Variants in STEAP2 observed in about 807,000 individuals in gnomAD.
The protein encoded by STEAP2 is metalloreductase STEAP2.
STEAP2 carries 30 observed loss-of-function variants against 46.4 expected under a neutral mutation model. That is an observed-to-expected ratio of 0.65 (90% CI 0.48 to 0.88). The LOEUF (loss-of-function observed/expected upper bound fraction) is 0.88, where lower values mean the gene tolerates loss of function less well. STEAP2 is among the 40% of genes least tolerant of loss of function. The pLI, the probability that STEAP2 is intolerant of heterozygous loss-of-function variation, is 0.00. For synonymous variants in STEAP2, 180 were observed against 200.5 expected (o/e 0.90, Z 0.86); for missense variants, 513 against 579.3 (o/e 0.89, Z 1.18).
At chr7:90,228,850 T>C (rs1795615949) in intron 4 of STEAP2, among the ~76,000 whole-genome samples, 1 of 152,162 alleles carries the variant, frequency 6.6e-6, no homozygotes, top group Non-Finnish European at 1.5e-5. Flanking sequence ...CACTGGGTAG[T>C]GCTGTTTTTC....
chr7:90,227,131 T>C lies in STEAP2; in HGVS notation c.653T>C (p.Val218Ala). 1 of 1,613,842 alleles carries C rather than the reference T, an allele frequency of 6.2e-7. No homozygotes were observed. Among genetic ancestry groups the C allele is most frequent in the South Asian group, 1.1e-5 (1 of 91,066 alleles). The stretch of plus-strand genomic sequence containing the variant: ...ACTCTCTGGAGAGGGCCAGTGGTGG[T>C]AGCTATAAGCTTGGCCACATTTTTT... ...LFTLWRGPVV[V>A]AISLATFFFL... The change falls in exon 4 of 6, where the codon GTA (valine) becomes GCA (alanine). Residue 218 changes from valine to alanine, a missense_variant. Transcript: ENST00000394621.
At chr7:90,220,823 GTTTTTA>G (rs1429446933) in intron 2 of STEAP2, among the ~76,000 whole-genome samples, 1 of 151,782 alleles carries the variant, frequency 6.6e-6, no homozygotes, top group Non-Finnish European at 1.5e-5. Context: ...AGTGTGTTGT[GTTTTTA>G]TTTTTATTTG....
intron 4 of STEAP2, among the ~76,000 whole-genome samples, chr7:90,229,668 T>G (rs17862127): frequency 0.17 from 25,214 of 152,110 alleles, 2,205 homozygotes; most frequent in Middle Eastern, 0.2. Flanking sequence ...AGTTTTGTCC[T>G]CCTTTTGTTT....
At chr7:90,212,680 A>T (rs1354490138) in intron 1 of STEAP2, among the ~76,000 whole-genome samples, 1 of 152,110 alleles carries the variant, frequency 6.6e-6, no homozygotes, top group Non-Finnish European at 1.5e-5. Flanking sequence ...ATTTCCATTT[A>T]TTATCTCTCC....
intron 2 of STEAP2, among the ~76,000 whole-genome samples, chr7:90,217,687 C>T: frequency 8.5e-6 from 1 of 117,676 alleles, no homozygotes; most frequent in African/African-American, 3.4e-5. Flanking sequence ...CATATCCTTG[C>T]TAGTGTGAAT....
At chr7:90,243,356 T>C in the STEAP2 span, among the ~76,000 whole-genome samples, 1 of 152,172 alleles carries the variant, frequency 6.6e-6, no homozygotes, top group Non-Finnish European at 1.5e-5. Flanking sequence ...TCTTGAATAA[T>C]TTTTGAAAGT....
chr7:90,240,280 C>CA (rs56229485), downstream of STEAP2, among the ~76,000 whole-genome samples: 6 of 146,088 alleles, frequency 4.1e-5, no homozygotes, highest in Non-Finnish European at 7.5e-5. The surrounding 1 kb of genome is among the most constrained non-coding windows in gnomAD (Gnocchi z 4.1). Flanking sequence ...GACCCTGTCT[C>CA]AAAAAAAAAA....
Position 90,236,801 on chromosome 7 carries a change from G to A in STEAP2, c.*4177G>A. ...GTTTGGATTCTTCCAGTGGCCAGAT[G>A]AGCTAAATTAAATCACAAAAGCAGA... On this transcript the variant is annotated 3_prime_UTR_variant, in exon 6 of 6. Coordinates refer to ENST00000394621, the MANE Select transcript of STEAP2 (RefSeq NM_001244944.2). 6.4e-7 allele frequency: 1 copy of A among 1,561,552 alleles called. No individual in the cohort carries two copies. The highest frequency in any genetic ancestry group is 8.7e-7 in the Non-Finnish European group (1 of 1,153,964).
chr7:90,225,927 A>G (rs187530273), intron 3 of STEAP2, among the ~76,000 whole-genome samples: 1 of 152,356 alleles, frequency 6.6e-6, no homozygotes, highest in African/African-American at 2.4e-5. Flanking sequence ...GCATGATTAT[A>G]AAACACTTTT....
rs1315597033 is a variant in STEAP2 at position 90,236,939 on chromosome 7, G to C, written c.*4315G>C. 3 of 1,613,922 alleles carry C rather than the reference G, an allele frequency of 1.9e-6. No individual in the cohort carries two copies. Among genetic ancestry groups the C allele is most frequent in the Middle Eastern group, 1.6e-4 (1 of 6,084 alleles). ...CCAGACTGAGCTGGAACTGGAATTT[G>C]TCTTCCTATTGACTCTACTTCTTTA... On this transcript the variant is annotated 3_prime_UTR_variant, in exon 6 of 6. Coordinates refer to ENST00000394621, the MANE Select transcript of STEAP2 (RefSeq NM_001244944.2).
chr7:90,238,883 A>C (rs2116424368), downstream of STEAP2, among the ~76,000 whole-genome samples: 1 of 151,998 alleles, frequency 6.6e-6, no homozygotes, highest in Admixed American at 6.6e-5. Flanking sequence ...GAGTAGAAAA[A>C]CCCCTCAGGG....
At position 90,233,418 on chromosome 7, in the gene STEAP2, C is replaced by T; in HGVS notation, c.*794C>T. The T allele has an allele frequency of 2.0e-6, 2 of 985,094 alleles. No homozygotes were observed. The highest frequency in any genetic ancestry group is 9.4e-5 in the South Asian group (2 of 21,274). 61.0% of individuals were successfully genotyped at this position (985,094 alleles called of 1,614,324 possible). ...CGGTACCAATCCTAGGAACTGTATA[C>T]TAGTTCCTACTTAGAACAAAAGTAT... On this transcript the variant is annotated 3_prime_UTR_variant, in exon 6 of 6. Transcript: ENST00000394621.
At chr7:90,224,772 A>T (rs1342719585) in intron 2 of STEAP2, among the ~76,000 whole-genome samples, 1 of 152,206 alleles carries the variant, frequency 6.6e-6, no homozygotes, top group Non-Finnish European at 1.5e-5. Context: ...TTCCGAAGTG[A>T]TCTGTGTGCA....
intron 4 of STEAP2, 25 bp downstream of exon 4, chr7:90,227,523 C>A: frequency 6.7e-7 from 1 of 1,502,504 alleles, no homozygotes; most frequent in Non-Finnish European, 8.9e-7. Context: ...TGTTATTTAT[C>A]TGATGCTAGT....
chr7:90,212,546 T>C (rs1794859173), intron 1 of STEAP2, among the ~76,000 whole-genome samples: 1 of 152,226 alleles, frequency 6.6e-6, no homozygotes, highest in South Asian at 2.1e-4. Context: ...TGGCCTCTTC[T>C]TTGACTGTCC....
At chr7:90,224,523 T>C (rs1263770200) in intron 2 of STEAP2, among the ~76,000 whole-genome samples, 1 of 152,210 alleles carries the variant, frequency 6.6e-6, no homozygotes, top group Admixed American at 6.5e-5. Flanking sequence ...TGCTGTAAAC[T>C]GTTGCTTCAA....
chr7:90,232,170 AAATATT>A (rs1288474931), intron 5 of STEAP2, among the ~76,000 whole-genome samples, 161 bp from the exon 6 acceptor site: 1 of 151,890 alleles, frequency 6.6e-6, no homozygotes, highest in Non-Finnish European at 1.5e-5. Context: ...GCATATATAA[AAATATT>A]AATATTATTT....
chr7:90,229,798 C>A, intron 4 of STEAP2, 74 bp from the exon 5 acceptor site: 1 of 1,544,754 alleles, frequency 6.5e-7, no homozygotes, highest in Non-Finnish European at 8.7e-7. Flanking sequence ...TCTTCTTATG[C>A]CAAGAGTGAA....
chr7:90,230,097 C>T (rs1795676985), intron 5 of STEAP2, 61 bp downstream of exon 5: 1 of 1,570,184 alleles, frequency 6.4e-7, no homozygotes, highest in Non-Finnish European at 8.6e-7. Context: ...TTAAGAACAA[C>T]TGCATTTTAA....
Sources: allele counts gnomAD v4.1 joint callset (sites outside exome capture counted in the v4.1 genomes callset), GRCh38; gene constraint gnomAD v4.1.1; non-coding constraint Gnocchi (gnomAD v3.1); transcripts MANE v1.5; gene names NCBI Gene and HGNC (gene_info 2026-07-23, HGNC 2026-07-21).